RBFOX1: variants seen among roughly 807,000 people sequenced by gnomAD.
RBFOX1 encodes the protein RNA binding fox-1 homolog 1.
A neutral mutation model predicts 57.7 loss-of-function variants in RBFOX1; 8 were observed. That is an observed-to-expected ratio of 0.14 (90% CI 0.08 to 0.25). RBFOX1 has a LOEUF of 0.25. Ranked by LOEUF, RBFOX1 falls within the 10% of genes least tolerant of loss-of-function variation. The pLI, the probability that RBFOX1 is intolerant of heterozygous loss-of-function variation, is 1.00. For missense variants in RBFOX1, 611 were observed against 548.5 expected (o/e 1.11, Z -1.14); for synonymous variants, 326 against 222.4 (o/e 1.47, Z -4.15).
At chr16:7,293,297 A>G (rs993162630) in intron 4 of RBFOX1, among the ~76,000 whole-genome samples, 2 of 152,318 alleles carry the variant, frequency 1.3e-5, no homozygotes, top group Non-Finnish European at 1.5e-5. Flanking sequence ...AGATGATTTA[A>G]AGTATACAGG....
rs563659599 is a variant in RBFOX1, at chr16:6,588,317, C to T, written c.-63-66286C>T. On this transcript the variant is annotated intron_variant, in intron 2 of 15. Coordinates refer to ENST00000550418, the MANE Select transcript of RBFOX1 (RefSeq NM_018723.4). ...TGTAGATACTAACTGGAACATGCAT[C>T]GCACTTAGTTGTCCTTATTTCTTTC... Among the ~76,000 whole-genome samples the T allele has an allele frequency of 7.2e-5, 11 of 151,912 alleles. No individual in the cohort carries two copies. In the East Asian group the frequency reaches 9.8e-4, roughly 14 times the overall value.
At chr16:5,497,622 C>CAAAAAAAAAAA (rs911723996) in intron 2 of RBFOX1, among the ~76,000 whole-genome samples, 892 of 53,322 alleles carry the variant, frequency 0.017, 42 homozygotes, top group African/African-American at 0.094. Flanking sequence ...ACTAAAAATA[C>CAAAAAAAAAAA]AAAAAAAAAA....
chr16:5,307,407 C>G (rs895248143), intron 1 of RBFOX1, among the ~76,000 whole-genome samples: 3 of 152,136 alleles, frequency 2.0e-5, no homozygotes, highest in African/African-American at 7.2e-5. Flanking sequence ...AAAATAATCA[C>G]AAAGGAAACA....
intron 1 of RBFOX1, among the ~76,000 whole-genome samples, chr16:5,379,982 G>A (rs529362232): frequency 5.9e-5 from 9 of 152,338 alleles, no homozygotes; most frequent in African/African-American, 2.2e-4. Context: ...TGTTGGCTGT[G>A]AACCTGGGAG....
At chr16:7,086,272 G>T (rs549270854) in intron 4 of RBFOX1, among the ~76,000 whole-genome samples, 1 of 152,214 alleles carries the variant, frequency 6.6e-6, no homozygotes, top group South Asian at 2.1e-4. Context: ...TCAACAAGGG[G>T]CTCGGTTAAG....
At chr16:6,553,357 T>G (rs139730125) in intron 2 of RBFOX1, among the ~76,000 whole-genome samples, 1 of 152,184 alleles carries the variant, frequency 6.6e-6, no homozygotes, top group African/African-American at 2.4e-5. Context: ...GGGGATAATG[T>G]GTGGAGTGTA....
intron 2 of RBFOX1, among the ~76,000 whole-genome samples, chr16:6,552,752 T>C (rs1424458442): frequency 1.3e-5 from 2 of 152,134 alleles, no homozygotes; most frequent in East Asian, 3.9e-4. Context: ...AAAAATTATA[T>C]AGAAAATGTA....
intron 3 of RBFOX1, among the ~76,000 whole-genome samples, chr16:6,672,338 G>T (rs756537854): frequency 2.6e-5 from 4 of 151,556 alleles, no homozygotes; most frequent in African/African-American, 4.9e-5. Flanking sequence ...GGGAAGGGTG[G>T]CAGGGAGGGA....
chr16:5,700,688 C>T (rs1386265527), intron 3 of RBFOX1, among the ~76,000 whole-genome samples: 2 of 152,190 alleles, frequency 1.3e-5, no homozygotes, highest in African/African-American at 4.8e-5. Context: ...TTTTTGCCCG[C>T]TTCTGAGACT....
chr16:5,484,038 G>A (rs953706584), intron 2 of RBFOX1, among the ~76,000 whole-genome samples: 3 of 152,192 alleles, frequency 2.0e-5, no homozygotes, highest in African/African-American at 2.4e-5. Context: ...GGGCATGGTG[G>A]TGTGTACCTA....
intron 2 of RBFOX1, among the ~76,000 whole-genome samples, chr16:6,388,963 G>T (rs1235888720): frequency 6.6e-6 from 1 of 152,166 alleles, no homozygotes; most frequent in East Asian, 1.9e-4. Flanking sequence ...GTTGGACAAT[G>T]ACATCACTTG....
chr16:5,701,582 A>C (rs2051049979), intron 3 of RBFOX1, among the ~76,000 whole-genome samples: 2 of 152,020 alleles, frequency 1.3e-5, no homozygotes. Flanking sequence ...GGCACACTGT[A>C]CCACACCTGG....
chr16:6,922,785 A>G (rs1410723112), intron 3 of RBFOX1, among the ~76,000 whole-genome samples: 3 of 152,140 alleles, frequency 2.0e-5, no homozygotes, highest in Non-Finnish European at 4.4e-5. Context: ...GTGAGTAATA[A>G]ATCAGGAGGT....
At chr16:7,468,373 A>G (rs572431156) in intron 4 of RBFOX1, among the ~76,000 whole-genome samples, 2 of 152,054 alleles carry the variant, frequency 1.3e-5, no homozygotes, top group East Asian at 3.9e-4. Context: ...TAGATTGTTG[A>G]CACTGTGTCA....
At chr16:6,423,883 C>T (rs759893605) in intron 2 of RBFOX1, among the ~76,000 whole-genome samples, 92 of 152,168 alleles carry the variant, frequency 6.0e-4, no homozygotes, top group Admixed American at 2.3e-3. Flanking sequence ...ACACAGAGGG[C>T]GGGGAGCTCC....
chr16:6,025,031 G>T (rs1202949411), intron 1 of RBFOX1, among the ~76,000 whole-genome samples: 4 of 152,210 alleles, frequency 2.6e-5, no homozygotes, highest in African/African-American at 9.7e-5. Flanking sequence ...ATAGGCCCTT[G>T]TGGCCTGGGA....
At chr16:6,943,020 C>T (rs1487680309) in intron 3 of RBFOX1, among the ~76,000 whole-genome samples, 1 of 152,182 alleles carries the variant, frequency 6.6e-6, no homozygotes, top group Non-Finnish European at 1.5e-5. Context: ...CTACCCAGAC[C>T]CAAATGGGCA....
intron 3 of RBFOX1, among the ~76,000 whole-genome samples, chr16:6,895,830 C>G (rs2066763082): frequency 6.6e-6 from 1 of 151,996 alleles, no homozygotes; most frequent in African/African-American, 2.4e-5. Flanking sequence ...GTTTAAACCT[C>G]TTGGGATCAG....
chr16:7,362,201 TTG>T (rs1255320098), intron 4 of RBFOX1, among the ~76,000 whole-genome samples: 1 of 150,974 alleles, frequency 6.6e-6, no homozygotes, highest in African/African-American at 2.4e-5. Flanking sequence ...TTGTGTATGA[TTG>T]TGTTTGTTTT....
Sources: allele counts gnomAD v4.1 joint callset (sites outside exome capture counted in the v4.1 genomes callset), GRCh38; gene constraint gnomAD v4.1.1; transcripts MANE v1.5; gene names NCBI Gene and HGNC (gene_info 2026-07-23, HGNC 2026-07-21).